Variants in KAZN observed in about 807,000 individuals in gnomAD.
The protein encoded by KAZN is kazrin, periplakin interacting protein, also known as kazrin.
Under a neutral mutation model 87.4 loss-of-function variants are expected in KAZN, and 40 were observed. That is an observed-to-expected ratio of 0.46 (90% CI 0.36 to 0.60). The LOEUF (loss-of-function observed/expected upper bound fraction) is 0.60. Ranked by LOEUF, KAZN falls within the 20% of genes least tolerant of loss-of-function variation. KAZN has a pLI of 0.00. For synonymous variants in KAZN, 466 were observed against 458.3 expected (o/e 1.02, Z -0.22); for missense variants, 898 against 1,073.9 (o/e 0.84, Z 2.29).
intron 1 of KAZN, among the ~76,000 whole-genome samples, chr1:14,841,764 C>G (rs1295041678): frequency 6.6e-6 from 1 of 152,130 alleles, no homozygotes; most frequent in African/African-American, 2.4e-5. Flanking sequence ...TTTTTTTGTA[C>G]CACTGACATC....
intron 2 of KAZN, among the ~76,000 whole-genome samples, chr1:14,198,777 T>C (rs931743116): frequency 6.6e-6 from 1 of 152,202 alleles, no homozygotes; most frequent in Non-Finnish European, 1.5e-5. Flanking sequence ...ATATGTTTAT[T>C]TATTCCATAT....
At chr1:14,641,668 C>A (rs10927476) in intron 1 of KAZN, among the ~76,000 whole-genome samples, 27,324 of 152,204 alleles carry the variant, frequency 0.18, 2,637 homozygotes, top group South Asian at 0.28. Context: ...GAACACAACA[C>A]CCTGTTCAGT....
At chr1:14,089,614 T>C (rs188341364) in intron 1 of KAZN, among the ~76,000 whole-genome samples, 70 of 152,324 alleles carry the variant, frequency 4.6e-4, no homozygotes, top group Non-Finnish European at 5.0e-4. Context: ...TTACACTGCA[T>C]GTGGTCTAAA....
intron 1 of KAZN, among the ~76,000 whole-genome samples, chr1:14,138,894 C>T (rs879390554): frequency 6.6e-6 from 1 of 152,180 alleles, no homozygotes; most frequent in South Asian, 2.1e-4. Flanking sequence ...TCTAGTTTTA[C>T]ACATCACATG....
At chr1:14,055,331 T>C (rs779770253) in intron 1 of KAZN, among the ~76,000 whole-genome samples, 2 of 152,210 alleles carry the variant, frequency 1.3e-5, no homozygotes, top group Non-Finnish European at 2.9e-5. Flanking sequence ...GACATCATTG[T>C]TGCAGGGAAG....
At chr1:14,318,547 T>C (rs1655815289) in intron 2 of KAZN, among the ~76,000 whole-genome samples, 1 of 152,090 alleles carries the variant, frequency 6.6e-6, no homozygotes, top group African/African-American at 2.4e-5. Context: ...TTTGTGTTTT[T>C]GCTGCTTGGG....
At chr1:14,552,023 T>C (rs1336810520) in intron 2 of KAZN, among the ~76,000 whole-genome samples, 1 of 152,130 alleles carries the variant, frequency 6.6e-6, no homozygotes, top group African/African-American at 2.4e-5. Context: ...CTTAATGCTA[T>C]CAATATGTCT....
Position 14,112,407 on chromosome 1 carries a change from C to A in KAZN, c.92-68028C>A, listed in dbSNP as rs1644519115. ...TACTTGGGTGAGGAGCTGCCTGCAT[C>A]CCTCCCACTCCTCTTTGGCCACTGT... On this transcript the variant is annotated intron_variant, in intron 1 of 16. Coordinates refer to the KAZN transcript ENST00000636203. Among the ~76,000 whole-genome samples, 4 of 77,854 alleles carry A rather than the reference C, an allele frequency of 5.1e-5. 1 individual carries two copies. Among genetic ancestry groups the A allele is most frequent in the South Asian group, 4.4e-4 (1 of 2,286 alleles). 51.1% of individuals were successfully genotyped at this position (77,854 alleles called of 152,430 possible).
At chr1:14,476,759 A>C (rs566400438) in intron 2 of KAZN, among the ~76,000 whole-genome samples, 3 of 152,258 alleles carry the variant, frequency 2.0e-5, no homozygotes, top group Non-Finnish European at 4.4e-5. Context: ...TGATGATTCA[A>C]CTCACAGTAG....
chr1:14,524,184 G>A (rs1190550323), intron 2 of KAZN, among the ~76,000 whole-genome samples: 1 of 152,002 alleles, frequency 6.6e-6, no homozygotes, highest in Non-Finnish European at 1.5e-5. Flanking sequence ...ACCACGCCTG[G>A]GTAATTTTTG....
At chr1:13,975,252 G>T (rs936235340) in intron 1 of KAZN, among the ~76,000 whole-genome samples, 1 of 152,208 alleles carries the variant, frequency 6.6e-6, no homozygotes, top group African/African-American at 2.4e-5. Flanking sequence ...GAAGGCAGGA[G>T]TGGGGCCTGG....
At chr1:14,232,537 A>G (rs1018269245) in intron 2 of KAZN, among the ~76,000 whole-genome samples, 6 of 152,254 alleles carry the variant, frequency 3.9e-5, no homozygotes, top group Admixed American at 2.0e-4. Context: ...CCCTTTGTCT[A>G]TATTCTCACT....
At chr1:14,817,300 A>G (rs1036020874) in intron 1 of KAZN, among the ~76,000 whole-genome samples, 2 of 152,056 alleles carry the variant, frequency 1.3e-5, no homozygotes, top group African/African-American at 4.8e-5. Context: ...CATATCTAAG[A>G]CCCCAGACAG....
chr1:13,997,027 A>C (rs1639554647), intron 1 of KAZN, among the ~76,000 whole-genome samples: 1 of 152,184 alleles, frequency 6.6e-6, no homozygotes, highest in African/African-American at 2.4e-5. Context: ...GCTGTTCTCC[A>C]GCCTCCTCAA....
intron 2 of KAZN, among the ~76,000 whole-genome samples, chr1:14,997,530 G>A (rs1322983238): frequency 2.6e-5 from 4 of 152,092 alleles, no homozygotes; most frequent in South Asian, 2.1e-4. Context: ...GTGAGCCACC[G>A]CACCTGGCCT....
At chr1:14,807,925 G>T (rs1646275334) in intron 1 of KAZN, among the ~76,000 whole-genome samples, 1 of 152,140 alleles carries the variant, frequency 6.6e-6, no homozygotes, top group African/African-American at 2.4e-5. Flanking sequence ...AACTACAAAA[G>T]TCTGTGGAGG....
intron 1 of KAZN, among the ~76,000 whole-genome samples, chr1:14,060,155 A>G (rs1017552851): frequency 2.6e-5 from 4 of 152,098 alleles, no homozygotes; most frequent in African/African-American, 9.7e-5. Context: ...CAAGGTCAGG[A>G]GATCGAGACC....
chr1:14,189,401 C>T (rs1021647989), intron 2 of KAZN, among the ~76,000 whole-genome samples: 1 of 152,072 alleles, frequency 6.6e-6, no homozygotes, highest in Non-Finnish European at 1.5e-5. Flanking sequence ...GATTTGTATC[C>T]GTGACTGCTG....
chr1:14,973,062 G>C (rs1436420274), intron 2 of KAZN, among the ~76,000 whole-genome samples: 4 of 152,066 alleles, frequency 2.6e-5, no homozygotes, highest in Admixed American at 2.6e-4. Context: ...TGCCTTTACA[G>C]TTGGGGAAAC....
Sources: gnomAD v4.1 joint callset for allele counts (sites outside exome capture counted in the v4.1 genomes callset) on GRCh38, gnomAD v4.1.1 for gene constraint, MANE v1.5 for transcripts, NCBI Gene and HGNC (gene_info 2026-07-23, HGNC 2026-07-21) for gene names.